TXLNB: variants seen among roughly 807,000 people sequenced by gnomAD.
TXLNB encodes taxilin beta.
In TXLNB, 37 loss-of-function variants were observed where a neutral mutation model predicts 57.4. That is an observed-to-expected ratio of 0.64 (90% CI 0.50 to 0.85). The LOEUF (loss-of-function observed/expected upper bound fraction) is 0.85, where lower values mean the gene tolerates loss of function less well. Ranked by LOEUF, TXLNB falls within the 40% of genes least tolerant of loss-of-function variation. The pLI, the probability that TXLNB is intolerant of heterozygous loss-of-function variation, is 0.00. For missense variants in TXLNB, 848 were observed against 825.6 expected (o/e 1.03, Z -0.33); for synonymous variants, 302 against 309.6 (o/e 0.98, Z 0.26).
intron 7 of TXLNB, chr6:139,251,540 T>G (rs371378631): frequency 1.3e-5 from 2 of 152,242 alleles, no homozygotes; most frequent in East Asian, 3.8e-4. Flanking sequence ...ACATGTTTGG[T>G]TTCATGTGTC....
chr6:139,270,275 G>A (rs890312949), intron 4 of TXLNB, among the ~76,000 whole-genome samples, 181 bp downstream of exon 4: 6 of 151,952 alleles, frequency 3.9e-5, no homozygotes, highest in Non-Finnish European at 2.9e-5. Context: ...TCCATTTTAC[G>A]GATGAAGAAA....
chr6:139,279,856 T>A (rs1212658482), intron 2 of TXLNB, among the ~76,000 whole-genome samples: 3 of 152,210 alleles, frequency 2.0e-5, no homozygotes, highest in African/African-American at 7.2e-5. Flanking sequence ...TGCGAAATGC[T>A]CAGCGTGGTA....
the TXLNB span, among the ~76,000 whole-genome samples, chr6:139,309,073 C>A: frequency 2.0e-4 from 31 of 152,336 alleles, no homozygotes; most frequent in East Asian, 5.6e-3. Flanking sequence ...ACACTCCCAG[C>A]TGGAACTTTG....
the TXLNB span, among the ~76,000 whole-genome samples, chr6:139,198,251 A>C: frequency 6.6e-6 from 1 of 151,710 alleles, no homozygotes; most frequent in African/African-American, 2.4e-5. Context: ...CAACATGCCC[A>C]GACAAAATAC....
chr6:139,261,623 A>C (rs1776484303), intron 5 of TXLNB, among the ~76,000 whole-genome samples: 1 of 152,094 alleles, frequency 6.6e-6, no homozygotes, highest in Non-Finnish European at 1.5e-5. Flanking sequence ...CATCCCCCTA[A>C]TATAACCTAT....
the TXLNB span, among the ~76,000 whole-genome samples, chr6:139,218,375 TGA>T: frequency 6.6e-6 from 1 of 152,196 alleles, no homozygotes; most frequent in Non-Finnish European, 1.5e-5. Flanking sequence ...TTTAGCACTT[TGA>T]GAGTTGTCCA....
At chr6:139,255,293 C>T (rs1416204938) in intron 7 of TXLNB, 2 of 449,848 alleles carry the variant, frequency 4.4e-6, no homozygotes, top group African/African-American at 2.0e-5. Context: ...CACTGGCTGA[C>T]TCTCTTGACC....
chr6:139,211,822 C>T, the TXLNB span, among the ~76,000 whole-genome samples: 5 of 152,262 alleles, frequency 3.3e-5, no homozygotes, highest in African/African-American at 7.2e-5. Flanking sequence ...ACAAGAACTA[C>T]GTGACAAATG....
chr6:139,303,789 A>T, the TXLNB span, among the ~76,000 whole-genome samples: 1 of 151,552 alleles, frequency 6.6e-6, no homozygotes, highest in African/African-American at 2.4e-5. Context: ...AAATATTTGT[A>T]GTTTTGACAC....
chr6:139,248,380 C>G (rs778480607), intron 7 of TXLNB, among the ~76,000 whole-genome samples: 12 of 151,812 alleles, frequency 7.9e-5, no homozygotes, highest in Non-Finnish European at 1.5e-4. Flanking sequence ...CCTGTAATCC[C>G]AGCTACTTGG....
chr6:139,219,381 T>C, the TXLNB span, among the ~76,000 whole-genome samples: 1 of 152,266 alleles, frequency 6.6e-6, no homozygotes, highest in African/African-American at 2.4e-5. Flanking sequence ...GTTCAGTAGG[T>C]GGCACTGCTG....
chr6:139,268,438 ATTGTT>A (rs1002496233), intron 4 of TXLNB, among the ~76,000 whole-genome samples: 2 of 152,204 alleles, frequency 1.3e-5, no homozygotes, highest in Admixed American at 1.3e-4. Flanking sequence ...TCTGAAAAAC[ATTGTT>A]TTGAAGTACA....
At chr6:139,275,540 T>TA (rs1776874697) in intron 3 of TXLNB, among the ~76,000 whole-genome samples, 1 of 152,208 alleles carries the variant, frequency 6.6e-6, no homozygotes, top group African/African-American at 2.4e-5. Flanking sequence ...TTTGTGTGTC[T>TA]AAAAAATAAT....
chr6:139,313,479 T>C, the TXLNB span, among the ~76,000 whole-genome samples: 4 of 152,124 alleles, frequency 2.6e-5, no homozygotes, highest in African/African-American at 9.7e-5. Flanking sequence ...TTAGCTCCTC[T>C]TGCATGACAG....
At chr6:139,214,216 G>A in the TXLNB span, among the ~76,000 whole-genome samples, 1 of 152,166 alleles carries the variant, frequency 6.6e-6, no homozygotes, top group African/African-American at 2.4e-5. Flanking sequence ...GAACATTGAT[G>A]CAAAAATCCT....
chr6:139,162,605 A>G, the TXLNB span, among the ~76,000 whole-genome samples: 1 of 152,244 alleles, frequency 6.6e-6, no homozygotes, highest in Non-Finnish European at 1.5e-5. Flanking sequence ...AAATATTAAT[A>G]CATAGAGGTA....
chr6:139,285,271 CACACACA>C (rs1248151155), intron 2 of TXLNB, among the ~76,000 whole-genome samples: 1 of 138,708 alleles, frequency 7.2e-6, no homozygotes, highest in Non-Finnish European at 1.6e-5. Context: ...CACACACACA[CACACACA>C]CACACACACA....
the TXLNB span, among the ~76,000 whole-genome samples, chr6:139,308,954 C>A: frequency 1.2e-4 from 18 of 152,308 alleles, no homozygotes; most frequent in Non-Finnish European, 2.4e-4. Context: ...AAGGATAAGT[C>A]TTGGTGATGG....
At chr6:139,237,191 C>T (rs1562266613), downstream of TXLNB, among the ~76,000 whole-genome samples, 1 of 152,028 alleles carries the variant, frequency 6.6e-6, no homozygotes, top group Non-Finnish European at 1.5e-5. Flanking sequence ...TGAACTCTTT[C>T]ACATTTTTTT....
Sources: allele counts gnomAD v4.1 joint callset (sites outside exome capture counted in the v4.1 genomes callset), GRCh38; gene constraint gnomAD v4.1.1; transcripts MANE v1.5; gene names NCBI Gene and HGNC (gene_info 2026-07-23, HGNC 2026-07-21).